Variants in PHYKPL observed in about 807,000 individuals in gnomAD.
The protein encoded by PHYKPL is 5-phosphohydroxy-L-lysine phospho-lyase, also known as 5-phosphonooxy-L-lysine phospho-lyase.
Under a neutral mutation model 51.3 loss-of-function variants are expected in PHYKPL, and 42 were observed. That is an observed-to-expected ratio of 0.82 (90% confidence interval 0.64 to 1.06). The LOEUF (loss-of-function observed/expected upper bound fraction) is 1.06. Among genes scored for constraint, PHYKPL ranks in the 50% least tolerant of loss-of-function variants. The pLI is 0.00. For missense variants in PHYKPL, 655 were observed against 586.6 expected (o/e 1.12, Z -1.20); for synonymous variants, 264 against 236.0 (o/e 1.12, Z -1.09).
chr5:178,231,494 T>C lies in PHYKPL; in HGVS notation c.89A>G (p.Asp30Gly), dbSNP rs759376565. Residue 30 changes from aspartate (D) to glycine (G), a missense_variant, in exon 2 of 13, where the codon GAT (aspartate) becomes GGT (glycine). Coordinates refer to ENST00000308158, the MANE Select transcript of PHYKPL (RefSeq NM_153373.4). ...SSSCRLFFPE[D>G]PVKIVRAQGQ... ...TTGGGCCCGGACAATCTTAACAGGA[T>C]CCTCGGGAAAAAAGAGTCTGCAGGA... The C allele has an allele frequency of 2.5e-6, 4 of 1,614,084 alleles. No individual in the cohort carries two copies. Among genetic ancestry groups the C allele is most frequent in the Non-Finnish European group, 3.4e-6 (4 of 1,180,008 alleles).
At chr5:178,230,288 G>C in intron 2 of PHYKPL, 189 bp from the exon 3 acceptor site, 1 of 644,228 alleles carries the variant, frequency 1.6e-6, no homozygotes, top group Non-Finnish European at 2.6e-6. Flanking sequence ...AGGAGTTCCT[G>C]AGATTCTGGC....
intron 2 of PHYKPL, 177 bp from the exon 3 acceptor site, chr5:178,230,276 C>A: frequency 1.5e-6 from 1 of 689,310 alleles, no homozygotes; most frequent in Non-Finnish European, 2.4e-6. Context: ...AAAGGCAGAT[C>A]CAGGAGTTCC....
intron 3 of PHYKPL, chr5:178,228,501 C>T: frequency 1.4e-6 from 1 of 702,150 alleles, no homozygotes; most frequent in South Asian, 1.5e-5. Flanking sequence ...TGAGGAAGCA[C>T]CAGCTCCCTT....
Position 178,222,834 on chromosome 5 carries a change from C to G in PHYKPL, c.701+18G>C, listed in dbSNP as rs748270062. ...AGACCCCTGCCCTCCCTAGAGCAGA[C>G]CCCGCCCACCTACTCACTCTGCCAC... On this transcript the variant is annotated intron_variant, in intron 7 of 12. Coordinates refer to ENST00000308158, the MANE Select transcript of PHYKPL (RefSeq NM_153373.4). 7.4e-6 allele frequency: 12 copies of G among 1,613,498 alleles called. No individual in the cohort carries two copies. The African/African-American group carries it at 1.3e-4, about 18-fold the overall frequency.
In PHYKPL at chr5:178,224,490, C is replaced by T. The variant is rs764582651; in HGVS notation, c.576G>A (p.Glu192=). ...HPNPAMAYAN[E]VKRVVSSAQE... is the part of the protein sequence containing the mutation. ...GTGCACTGCTGACCACACGTTTCAC[C>T]TCGTTGGCATAGGCCATAGCTGGGT... Residue 192 remains glutamate (E), a synonymous_variant, in exon 6 of 13, where the codon GAG becomes GAA. Transcript: ENST00000308158. 3.1e-6 allele frequency: 5 copies of T among 1,609,940 alleles called. No individual in the cohort carries two copies. The highest frequency in any genetic ancestry group is 2.2e-5 in the East Asian group (1 of 44,876).
chr5:178,210,203 G>A (rs377150533), intron 12 of PHYKPL: 38 of 1,612,530 alleles, frequency 2.4e-5, no homozygotes, highest in East Asian at 4.5e-5. Flanking sequence ...GCAGGGCTAC[G>A]GGCCTGGCTA....
At chr5:178,210,191 C>T in intron 12 of PHYKPL, 1 of 1,612,992 alleles carries the variant, frequency 6.2e-7, no homozygotes, top group Non-Finnish European at 8.5e-7. Flanking sequence ...CTACGGCTAC[C>T]AGCAGGGCTA....
chr5:178,209,907 C>T (rs1203665190), intron 12 of PHYKPL, among the ~76,000 whole-genome samples: 2 of 152,108 alleles, frequency 1.3e-5, no homozygotes, highest in African/African-American at 4.8e-5. Flanking sequence ...AGTGAGCTGC[C>T]TTGTTTGCCC....
In PHYKPL at chr5:178,211,967, A is replaced by T. The variant is rs776805098; in HGVS notation, c.1307T>A (p.Met436Lys). 1.2e-6 allele frequency: 2 copies of T among 1,614,166 alleles called. No homozygotes were observed. The highest frequency in any genetic ancestry group is 2.2e-5 in the South Asian group (2 of 91,080). The change falls in exon 12 of 13, where the codon ATG (methionine) becomes AAG (lysine). Residue 436 changes from methionine (M) to lysine (K), a missense_variant. Physicochemically the swap from Met to Lys is moderately conservative, Grantham distance 95. Coordinates refer to ENST00000308158, the MANE Select transcript of PHYKPL (RefSeq NM_153373.4). ...VAKLDAILTD[M>K]EEKVRSCETL... ...TTCACAACTTCTCACCTTCTCTTCC[A>T]TGTCTGAAAAAGACCACAAAGCAAT...
At chr5:178,215,451 A>G in intron 8 of PHYKPL, 21 bp from the exon 9 acceptor site, 1 of 1,597,588 alleles carries the variant, frequency 6.3e-7, no homozygotes, top group Non-Finnish European at 8.5e-7. Context: ...GACAAAGAAC[A>G]TGTCAGATGC....
intron 3 of PHYKPL, 174 bp downstream of exon 3, chr5:178,229,766 G>C (rs1051152032): frequency 1.5e-6 from 1 of 685,240 alleles, no homozygotes; most frequent in East Asian, 2.8e-5. Flanking sequence ...CAAGGAAACT[G>C]GATCCAACAG....
chr5:178,220,857 G>A (rs1761034590), intron 8 of PHYKPL, among the ~76,000 whole-genome samples: 1 of 152,124 alleles, frequency 6.6e-6, no homozygotes, highest in South Asian at 2.1e-4. Flanking sequence ...CAGGCAATAG[G>A]GAGGATTCTT....
At chr5:178,232,405 G>A (rs1159035872) in intron 1 of PHYKPL, 87 bp downstream of exon 1, 136 of 1,344,094 alleles carry the variant, frequency 1.0e-4, no homozygotes, top group Non-Finnish European at 1.2e-4. Flanking sequence ...GGAGGCGCGT[G>A]CGTAGTGCGT....
intron 8 of PHYKPL, among the ~76,000 whole-genome samples, chr5:178,221,041 T>G (rs750502969): frequency 3.3e-5 from 5 of 152,134 alleles, no homozygotes; most frequent in South Asian, 2.1e-4. Context: ...TCTGGAGAGA[T>G]ACATGATATT....
At chr5:178,225,517 G>C in intron 3 of PHYKPL, 88 bp from the exon 4 acceptor site, 1 of 1,289,842 alleles carries the variant, frequency 7.8e-7, no homozygotes, top group Non-Finnish European at 1.1e-6. Flanking sequence ...CCTTCCAGCA[G>C]CAAGAAGATT....
At position 178,210,633 on chromosome 5, in the gene PHYKPL, A is replaced by G. The variant is rs146209319; in HGVS notation, c.*31+1257T>C. ...CTACAAGCCATACTGAGGCGGCAGCAGGAGCGACCAACTGATCGCACACAT... is the reference window on the plus strand; with the variant it reads ...CTACAAGCCATACTGAGGCGGCAGCGGGAGCGACCAACTGATCGCACACAT... On this transcript the variant is annotated intron_variant, in intron 12 of 12. Transcript: ENST00000308158. 4,376 of 1,609,118 alleles carry G rather than the reference A, an allele frequency of 2.7e-3. 14 individuals carry two copies. Among genetic ancestry groups the G allele is most frequent in the Non-Finnish European group, 3.1e-3 (3,614 of 1,175,532 alleles).
chr5:178,225,883 T>C (rs10062421), intron 3 of PHYKPL: 13,273 of 168,688 alleles, frequency 0.079, 599 homozygotes, highest in Admixed American at 0.12. Flanking sequence ...TCCCACAGCA[T>C]GAGGGCTCAA....
At chr5:178,219,914 C>T (rs909988518) in intron 8 of PHYKPL, among the ~76,000 whole-genome samples, 5 of 151,480 alleles carry the variant, frequency 3.3e-5, no homozygotes, top group East Asian at 2.0e-4. Context: ...AGATATAGGC[C>T]GGGTGCAGTG....
At chr5:178,209,937 G>A (rs1320795554) in intron 12 of PHYKPL, among the ~76,000 whole-genome samples, 3 of 151,992 alleles carry the variant, frequency 2.0e-5, no homozygotes, top group Non-Finnish European at 4.4e-5. Context: ...TTAGCATCCT[G>A]GTCTCTGATC....
Sources: gnomAD v4.1 joint callset for allele counts (sites outside exome capture counted in the v4.1 genomes callset) on GRCh38, gnomAD v4.1.1 for gene constraint, MANE v1.5 for transcripts, NCBI Gene and HGNC (gene_info 2026-07-23, HGNC 2026-07-21) for gene names.